The following CKAP2L variants were observed in gnomAD, a reference collection of about 807,000 sequenced individuals.
The protein encoded by CKAP2L is cytoskeleton-associated protein 2-like.
A neutral mutation model predicts 65.7 loss-of-function variants in CKAP2L; 42 were observed. The ratio of observed to expected loss-of-function variants is 0.64; its 90% CI spans 0.50 to 0.83. The LOEUF (loss-of-function observed/expected upper bound fraction) is 0.83, where lower values mean the gene tolerates loss of function less well. Ranked by LOEUF, CKAP2L falls within the 40% of genes least tolerant of loss-of-function variation. CKAP2L has a pLI of 0.00. For missense variants in CKAP2L, 908 were observed against 871.0 expected, an observed-to-expected ratio of 1.04 and a Z score of -0.53; for synonymous variants, 325 against 313.5, an observed-to-expected ratio of 1.04 and a Z score of -0.39.
At chr2:112,759,746 C>T (rs913104995) in intron 3 of CKAP2L, among the ~76,000 whole-genome samples, 2 of 152,150 alleles carry the variant, frequency 1.3e-5, no homozygotes, top group African/African-American at 4.8e-5. Context: ...GTCATGTATA[C>T]ATACAACATA....
rs56756055 is a variant in CKAP2L, at chr2:112,739,003, A to G, written c.2058T>C (p.Pro686=). 1,663 of 1,614,232 alleles carry G rather than the reference A, an allele frequency of 1.0e-3. 21 individuals carry two copies. The African/African-American group carries it at 0.02, about 19-fold the overall frequency. Residue 686 remains proline (P), a synonymous_variant, in exon 9 of 9, where the codon CCT becomes CCC. Coordinates refer to ENST00000302450, the MANE Select transcript of CKAP2L (RefSeq NM_152515.5). Reference sequence around the variant, plus strand: ...GCTCAATCCTCGACGAACGCCGTACAGGAGTGATAAATTTCATGTCTTGCA... The same window carrying G: ...GCTCAATCCTCGACGAACGCCGTACGGGAGTGATAAATTTCATGTCTTGCA... ...PEVQDMKFIT[P]VRRSSRIERA... is the part of the protein sequence containing the mutation.
At chr2:112,750,190 T>G (rs768024785) in intron 5 of CKAP2L, among the ~76,000 whole-genome samples, 26 of 152,166 alleles carry the variant, frequency 1.7e-4, no homozygotes, top group Non-Finnish European at 3.1e-4. Flanking sequence ...CTAGACCCAG[T>G]GGGTACAAGC....
intron 3 of CKAP2L, among the ~76,000 whole-genome samples, chr2:112,759,645 A>G (rs1213910636): frequency 6.6e-6 from 1 of 152,198 alleles, no homozygotes; most frequent in African/African-American, 2.4e-5. Flanking sequence ...GCATAAAGTA[A>G]AAGTGTAACC....
At chr2:112,749,292 G>C (rs1680297341) in intron 5 of CKAP2L, among the ~76,000 whole-genome samples, 1 of 152,082 alleles carries the variant, frequency 6.6e-6, no homozygotes, top group Admixed American at 6.5e-5. Context: ...TCAGACAAAA[G>C]AAATCAAAGC....
intron 5 of CKAP2L, among the ~76,000 whole-genome samples, chr2:112,749,004 G>C (rs931269112): frequency 1.3e-5 from 2 of 152,092 alleles, no homozygotes; most frequent in Admixed American, 6.5e-5. Flanking sequence ...ATTAAACACA[G>C]AAATGAGGAA....
chr2:112,744,640 G>T (rs1050338653), intron 6 of CKAP2L, among the ~76,000 whole-genome samples: 2 of 152,206 alleles, frequency 1.3e-5, no homozygotes, highest in East Asian at 3.8e-4. Context: ...GAGACTCCCT[G>T]CTCTCTTCTC....
chr2:112,759,213 C>T (rs1680636185), intron 3 of CKAP2L, among the ~76,000 whole-genome samples: 1 of 149,186 alleles, frequency 6.7e-6, no homozygotes, highest in Non-Finnish European at 1.5e-5. Flanking sequence ...TGATTTATGC[C>T]TGTTGGTCAA....
chr2:112,764,535 A>G, intron 1 of CKAP2L, 27 bp downstream of exon 1: 1 of 1,613,794 alleles, frequency 6.2e-7, no homozygotes, highest in Non-Finnish European at 8.5e-7. Flanking sequence ...AACGCCTGAG[A>G]ATAACGGGAA....
At chr2:112,748,010 G>A (rs770382543) in intron 5 of CKAP2L, among the ~76,000 whole-genome samples, 5 of 152,210 alleles carry the variant, frequency 3.3e-5, no homozygotes, top group Middle Eastern at 3.2e-3. Flanking sequence ...AGAAACCAGT[G>A]TAATAAAACA....
At chr2:112,745,949 T>A (rs1266113871) in intron 6 of CKAP2L, among the ~76,000 whole-genome samples, 1 of 152,032 alleles carries the variant, frequency 6.6e-6, no homozygotes, top group Non-Finnish European at 1.5e-5. Context: ...AATATAAAAA[T>A]AAATCAGTTT....
At chr2:112,746,363 A>T in intron 6 of CKAP2L, 57 bp downstream of exon 6, 3 of 1,443,058 alleles carry the variant, frequency 2.1e-6, no homozygotes, top group South Asian at 1.3e-5. Flanking sequence ...AAACAACAAC[A>T]GAGAACTCAC....
intron 4 of CKAP2L, 70 bp from the exon 5 acceptor site, chr2:112,752,544 T>C (rs1180724130): frequency 8.0e-6 from 7 of 877,268 alleles, no homozygotes; most frequent in Non-Finnish European, 8.9e-6. Context: ...AAGTATATGA[T>C]ATGTATAGAT....
intron 1 of CKAP2L, among the ~76,000 whole-genome samples, 162 bp from the exon 2 acceptor site, chr2:112,762,731 C>A (rs1680762969): frequency 6.6e-6 from 1 of 151,990 alleles, no homozygotes; most frequent in Non-Finnish European, 1.5e-5. Context: ...CTAACATCAA[C>A]ATCAACAATA....
intron 3 of CKAP2L, among the ~76,000 whole-genome samples, chr2:112,759,762 GT>G (rs925898885): frequency 6.6e-6 from 1 of 152,096 alleles, no homozygotes; most frequent in African/African-American, 2.4e-5. Flanking sequence ...ACATATATAT[GT>G]CTACATATGC....
rs74385745 is a variant in CKAP2L at position 112,742,810 on chromosome 2, T to G, written c.1759-41A>C. Reference sequence around the variant, plus strand: ...AAAACATACAAAATCTTAAAAACATTCATGCAAAAAATTTGCTAAGGAACT... The same window carrying G: ...AAAACATACAAAATCTTAAAAACATGCATGCAAAAAATTTGCTAAGGAACT... On this transcript the variant is annotated intron_variant, in intron 6 of 8. Coordinates refer to ENST00000302450, the MANE Select transcript of CKAP2L (RefSeq NM_152515.5). The G allele has an allele frequency of 3.1e-4, 461 of 1,464,434 alleles. 1 individual carries two copies. In the African/African-American group the frequency reaches 5.7e-3, roughly 18 times the overall value. 90.7% of individuals were successfully genotyped at this position (1,464,434 alleles called of 1,614,324 possible).
intron 8 of CKAP2L, among the ~76,000 whole-genome samples, chr2:112,740,013 G>A (rs1048405059): frequency 3.9e-5 from 6 of 152,082 alleles, no homozygotes; most frequent in African/African-American, 1.4e-4. Flanking sequence ...GGAGTGCAAT[G>A]GTGCAATCTT....
intron 5 of CKAP2L, among the ~76,000 whole-genome samples, chr2:112,751,063 CAT>C (rs201843161): frequency 0.01 from 1,554 of 152,138 alleles, 12 homozygotes; most frequent in Non-Finnish European, 0.014. Context: ...ACAATGACCC[CAT>C]AACAAATTGA....
Position 112,764,541 on chromosome 2 carries a change from G to A in CKAP2L, c.37+21C>T, listed in dbSNP as rs375398379. On this transcript the variant is annotated intron_variant, in intron 1 of 8. Coordinates refer to ENST00000302450, the MANE Select transcript of CKAP2L (RefSeq NM_152515.5). ...CCGTGTTCCAACGCCTGAGAATAAC[G>A]GGAACAGCGGTCGTACTCACCGACA... 3,518 of 1,613,766 alleles carry A rather than the reference G, an allele frequency of 2.2e-3. 90 individuals carry two copies. In the South Asian group the frequency reaches 0.036, roughly 17 times the overall value.
intron 6 of CKAP2L, among the ~76,000 whole-genome samples, chr2:112,743,742 T>C (rs1340375469): frequency 6.6e-6 from 1 of 152,204 alleles, no homozygotes; most frequent in Non-Finnish European, 1.5e-5. Flanking sequence ...CTGGCCCAGA[T>C]ACAATCTTTG....
Sources: allele counts gnomAD v4.1 joint callset (sites outside exome capture counted in the v4.1 genomes callset), GRCh38; gene constraint gnomAD v4.1.1; transcripts MANE v1.5; gene names NCBI Gene and HGNC (gene_info 2026-07-23, HGNC 2026-07-21).